CTNNA3: variants seen among roughly 807,000 people sequenced by gnomAD.
CTNNA3 encodes the protein catenin alpha-3.
A neutral mutation model predicts 95.7 loss-of-function variants in CTNNA3; 76 were observed. The observed-to-expected ratio is 0.79, with a 90% CI of 0.66 to 0.96. The LOEUF (loss-of-function observed/expected upper bound fraction) is 0.96, where lower values mean the gene tolerates loss of function less well. Among genes scored for constraint, CTNNA3 ranks in the 40% least tolerant of loss-of-function variants. The pLI is 0.00. For missense variants in CTNNA3, 1,191 were observed against 1,089.8 expected, an observed-to-expected ratio of 1.09 and a Z score of -1.31; for synonymous variants, 431 against 374.4, an observed-to-expected ratio of 1.15 and a Z score of -1.74.
intron 13 of CTNNA3, among the ~76,000 whole-genome samples, chr10:66,162,682 G>C (rs2084913762): frequency 6.6e-6 from 1 of 152,240 alleles, no homozygotes; most frequent in African/African-American, 2.4e-5. Flanking sequence ...TTTTGTGCTG[G>C]TTGGCCTCCT....
At chr10:67,268,236 CAGG>C (rs1465503936) in intron 5 of CTNNA3, among the ~76,000 whole-genome samples, 1 of 151,414 alleles carries the variant, frequency 6.6e-6, no homozygotes, top group Admixed American at 6.6e-5. Flanking sequence ...GAGGCGAAGG[CAGG>C]AGGATTGATT....
intron 9 of CTNNA3, among the ~76,000 whole-genome samples, chr10:66,761,268 G>A (rs1258359209): frequency 3.9e-5 from 6 of 151,976 alleles, no homozygotes; most frequent in African/African-American, 1.4e-4. Context: ...TAGGTGGTAG[G>A]GAAGTATTAT....
At chr10:65,932,777 G>T (rs553175787) in intron 17 of CTNNA3, among the ~76,000 whole-genome samples, 1 of 152,038 alleles carries the variant, frequency 6.6e-6, no homozygotes, top group African/African-American at 2.4e-5. Context: ...CTCTAGTTTG[G>T]GAGTCTTTTT....
chr10:66,137,776 G>A (rs1037970475), intron 13 of CTNNA3, among the ~76,000 whole-genome samples: 35 of 151,828 alleles, frequency 2.3e-4, no homozygotes, highest in Non-Finnish European at 1.5e-5. Context: ...GCAAAATCCC[G>A]ACTCAACAAA....
chr10:67,083,411 G>C (rs922181965), intron 7 of CTNNA3, among the ~76,000 whole-genome samples: 1 of 151,216 alleles, frequency 6.6e-6, no homozygotes, highest in African/African-American at 2.4e-5. Context: ...AAAAAAAAAA[G>C]TATAGTCCTA....
chr10:67,385,808 C>T (rs562271752), intron 5 of CTNNA3, among the ~76,000 whole-genome samples: 13 of 150,976 alleles, frequency 8.6e-5, no homozygotes, highest in East Asian at 5.9e-4. Context: ...TCCCACAGTG[C>T]CTGGTGGGGA....
chr10:67,074,412 A>G (rs528771628), intron 7 of CTNNA3, among the ~76,000 whole-genome samples: 60 of 126,366 alleles, frequency 4.7e-4, no homozygotes, highest in South Asian at 1.6e-3. Context: ...GTGCAGTGGC[A>G]CGATCTCGGC....
At chr10:66,612,846 A>AT (rs1186412960) in intron 10 of CTNNA3, among the ~76,000 whole-genome samples, 1 of 151,962 alleles carries the variant, frequency 6.6e-6, no homozygotes, top group African/African-American at 2.4e-5. Context: ...GGAAAATGAC[A>AT]TTTTTCTGTG....
chr10:66,555,551 T>C (rs933254882), intron 10 of CTNNA3, among the ~76,000 whole-genome samples: 2 of 152,126 alleles, frequency 1.3e-5, no homozygotes, highest in East Asian at 3.8e-4. Context: ...CCAAAATGAC[T>C]GGACTACCTC....
At chr10:66,095,562 A>T (rs1405885646) in intron 14 of CTNNA3, among the ~76,000 whole-genome samples, 1 of 152,108 alleles carries the variant, frequency 6.6e-6, no homozygotes, top group Non-Finnish European at 1.5e-5. Context: ...GGCCTGTTAA[A>T]ATGTTTTTAA....
intron 1 of CTNNA3, among the ~76,000 whole-genome samples, chr10:67,717,986 T>G (rs562238874): frequency 6.6e-6 from 1 of 152,334 alleles, no homozygotes; most frequent in South Asian, 2.1e-4. Context: ...TGTCCTCTTT[T>G]ATTTCCTTGA....
At chr10:66,108,253 A>T (rs947748469) in intron 13 of CTNNA3, among the ~76,000 whole-genome samples, 5 of 152,184 alleles carry the variant, frequency 3.3e-5, no homozygotes, top group African/African-American at 1.2e-4. Context: ...ACAAACAAAC[A>T]CTGAAGTTCC....
intron 2 of CTNNA3, among the ~76,000 whole-genome samples, chr10:67,637,516 C>T (rs911229740): frequency 1.8e-4 from 27 of 152,034 alleles, no homozygotes; most frequent in African/African-American, 6.5e-4. Context: ...ACAGAGAATA[C>T]CACAAAGATA....
intron 13 of CTNNA3, among the ~76,000 whole-genome samples, chr10:66,216,348 T>C (rs2088535109): frequency 6.6e-6 from 1 of 152,216 alleles, no homozygotes; most frequent in Non-Finnish European, 1.5e-5. Context: ...CAGGTAATTG[T>C]GTGGGGATCC....
chr10:66,175,954 T>G (rs902179497), intron 13 of CTNNA3, among the ~76,000 whole-genome samples: 12 of 152,194 alleles, frequency 7.9e-5, no homozygotes, highest in African/African-American at 2.7e-4. Context: ...AAGAATTCTT[T>G]GGAGTTCCAT....
chr10:66,375,224 C>T (rs1460970808), intron 12 of CTNNA3, among the ~76,000 whole-genome samples: 1 of 141,392 alleles, frequency 7.1e-6, no homozygotes. Flanking sequence ...TTTTGGCCCA[C>T]ATCAGAAAAA....
intron 10 of CTNNA3, among the ~76,000 whole-genome samples, chr10:66,568,164 G>T (rs1842769179): frequency 6.6e-6 from 1 of 152,154 alleles, no homozygotes; most frequent in African/African-American, 2.4e-5. Flanking sequence ...GCCAAGAAGT[G>T]ATGCTTGACA....
chr10:66,779,960 C>T (rs1460240978), intron 7 of CTNNA3, among the ~76,000 whole-genome samples: 1 of 152,028 alleles, frequency 6.6e-6, no homozygotes, highest in Non-Finnish European at 1.5e-5. Context: ...TTGATGAGAG[C>T]AGCACTCTCA....
At chr10:66,936,093 G>C (rs1389129772) in intron 7 of CTNNA3, among the ~76,000 whole-genome samples, 1 of 152,072 alleles carries the variant, frequency 6.6e-6, no homozygotes, top group Non-Finnish European at 1.5e-5. Context: ...TAAGTGTTTA[G>C]TCTTTTGGAC....
Sources: allele counts gnomAD v4.1 joint callset (sites outside exome capture counted in the v4.1 genomes callset), GRCh38; gene constraint gnomAD v4.1.1; transcripts MANE v1.5; gene names NCBI Gene and HGNC (gene_info 2026-07-23, HGNC 2026-07-21).